NRXN3: variants seen among roughly 807,000 people sequenced by gnomAD.
NRXN3 encodes the protein neurexin III.
Under a neutral mutation model 137.6 loss-of-function variants are expected in NRXN3, and 32 were observed. The observed-to-expected ratio is 0.23, with a 90% CI of 0.18 to 0.31. The LOEUF is 0.31. Ranked by LOEUF, NRXN3 falls within the 10% of genes least tolerant of loss-of-function variation. The pLI, the probability that NRXN3 is intolerant of heterozygous loss-of-function variation, is 1.00. For synonymous variants in NRXN3, 798 were observed against 784.5 expected (o/e 1.02, Z -0.29); for missense variants, 1,574 against 2,062.5 (o/e 0.76, Z 4.59).
intron 15 of NRXN3, among the ~76,000 whole-genome samples, chr14:79,086,121 T>C (rs1326374879): frequency 1.3e-5 from 2 of 152,250 alleles, no homozygotes; most frequent in East Asian, 3.9e-4. Context: ...GGCTTGGTAT[T>C]GGGGGCAGAG....
chr14:79,336,185 G>A (rs1386765221), intron 15 of NRXN3, among the ~76,000 whole-genome samples: 1 of 152,124 alleles, frequency 6.6e-6, no homozygotes, highest in African/African-American at 2.4e-5. Context: ...CTAATTAATA[G>A]CTATTTTAGG....
intron 2 of NRXN3, among the ~76,000 whole-genome samples, chr14:78,266,339 G>T (rs769299787): frequency 6.6e-6 from 1 of 151,418 alleles, no homozygotes; most frequent in South Asian, 2.1e-4. Flanking sequence ...TCACTCTGTC[G>T]CCAGGCTGGA....
chr14:78,773,360 C>T (rs573973450), intron 8 of NRXN3, among the ~76,000 whole-genome samples: 1 of 152,168 alleles, frequency 6.6e-6, no homozygotes, highest in East Asian at 1.9e-4. Context: ...CTTCCCTTGC[C>T]CTTCTTTTCC....
At chr14:78,949,395 C>T (rs2099381987) in intron 10 of NRXN3, among the ~76,000 whole-genome samples, 1 of 152,122 alleles carries the variant, frequency 6.6e-6, no homozygotes, top group South Asian at 2.1e-4. Flanking sequence ...CAGTCTGCAG[C>T]TCTCTTCAGC....
chr14:78,530,455 C>T (rs2096445030), intron 4 of NRXN3, among the ~76,000 whole-genome samples: 1 of 152,178 alleles, frequency 6.6e-6, no homozygotes, highest in African/African-American at 2.4e-5. Flanking sequence ...TAGGCTTCTA[C>T]AAGTTATTTT....
chr14:78,566,889 C>A (rs564326789), intron 4 of NRXN3, among the ~76,000 whole-genome samples: 1 of 152,196 alleles, frequency 6.6e-6, no homozygotes. Flanking sequence ...AAAACCCTTG[C>A]ACCACAGTGT....
chr14:78,478,154 G>T (rs2095411721), intron 4 of NRXN3, among the ~76,000 whole-genome samples: 1 of 152,166 alleles, frequency 6.6e-6, no homozygotes, highest in African/African-American at 2.4e-5. Flanking sequence ...TTTCTGCTCT[G>T]TTGGGATACA....
chr14:78,456,800 T>C (rs1183080734), intron 4 of NRXN3, among the ~76,000 whole-genome samples: 1 of 18,946 alleles, frequency 5.3e-5, no homozygotes, highest in African/African-American at 2.5e-4. Context: ...TCTCTTTCTC[T>C]CTTTCTTTCT....
At chr14:79,411,358 T>A (rs1358787393) in intron 15 of NRXN3, among the ~76,000 whole-genome samples, 1 of 152,152 alleles carries the variant, frequency 6.6e-6, no homozygotes, top group Non-Finnish European at 1.5e-5. Context: ...GTCTAAGTCC[T>A]CACAGTCCTT....
At chr14:79,839,705 C>A (rs975578115) in intron 20 of NRXN3, among the ~76,000 whole-genome samples, 1 of 152,088 alleles carries the variant, frequency 6.6e-6, no homozygotes, top group Non-Finnish European at 1.5e-5. Context: ...CTTATCCCCC[C>A]AAAAATCTTT....
In NRXN3 at chr14:78,680,766, T is replaced by G. The variant is rs569797967; in HGVS notation, c.1222-28451T>G. Among the ~76,000 whole-genome samples, 3 of 152,304 alleles carry G rather than the reference T, an allele frequency of 2.0e-5. No homozygotes were observed. In the South Asian group the frequency reaches 6.2e-4, roughly 32 times the overall value. On this transcript the variant is annotated intron_variant, in intron 6 of 20. Coordinates refer to ENST00000335750, the MANE Select transcript of NRXN3 (RefSeq NM_001330195.2). ...TGTCATTAAGTGACTTTCCTGGGCTTAAGAGTCTACCCTGAGGACCTCAAT... is the reference window on the plus strand; with the variant it reads ...TGTCATTAAGTGACTTTCCTGGGCTGAAGAGTCTACCCTGAGGACCTCAAT...
At chr14:78,780,157 C>T (rs79646159) in intron 8 of NRXN3, among the ~76,000 whole-genome samples, 1,918 of 152,236 alleles carry the variant, frequency 0.013, 23 homozygotes, top group Non-Finnish European at 0.019. Flanking sequence ...CTGTTCCTTA[C>T]AGTATGGAAA....
intron 4 of NRXN3, among the ~76,000 whole-genome samples, chr14:78,514,015 T>C (rs2096159769): frequency 2.0e-5 from 3 of 152,162 alleles, no homozygotes; most frequent in Admixed American, 1.3e-4. Flanking sequence ...GAATGTGTCA[T>C]CTATGTGCAT....
intron 4 of NRXN3, among the ~76,000 whole-genome samples, chr14:78,495,444 A>G (rs1318824269): frequency 6.6e-6 from 1 of 152,124 alleles, no homozygotes; most frequent in African/African-American, 2.4e-5. Flanking sequence ...CAGAGCAGAA[A>G]AAGGGGAATT....
At chr14:78,897,166 C>G (rs528980781) in intron 10 of NRXN3, among the ~76,000 whole-genome samples, 2 of 151,990 alleles carry the variant, frequency 1.3e-5, no homozygotes, top group East Asian at 3.9e-4. Context: ...TGTCAGGATT[C>G]ACTTTAATAA....
chr14:78,187,147 G>C (rs1014859518), intron 1 of NRXN3, among the ~76,000 whole-genome samples: 2 of 152,162 alleles, frequency 1.3e-5, no homozygotes, highest in Non-Finnish European at 2.9e-5. Flanking sequence ...GCAGGTATTA[G>C]TGTCTTCACT....
chr14:79,811,459 C>T (rs533863202), intron 20 of NRXN3, among the ~76,000 whole-genome samples: 1 of 152,180 alleles, frequency 6.6e-6, no homozygotes, highest in South Asian at 2.1e-4. Context: ...TTTCAACCGC[C>T]TTCATTGATC....
intron 16 of NRXN3, among the ~76,000 whole-genome samples, chr14:79,480,535 C>T (rs774220987): frequency 8.5e-5 from 13 of 152,164 alleles, no homozygotes; most frequent in Non-Finnish European, 1.9e-4. Context: ...AAAACTACAA[C>T]ATGATACACT....
intron 4 of NRXN3, among the ~76,000 whole-genome samples, chr14:78,582,019 C>T (rs967779559): frequency 1.3e-4 from 20 of 152,166 alleles, no homozygotes; most frequent in African/African-American, 3.6e-4. Flanking sequence ...TATTAATTTT[C>T]GCATCATCCT....
Sources: allele counts gnomAD v4.1 joint callset (sites outside exome capture counted in the v4.1 genomes callset), GRCh38; gene constraint gnomAD v4.1.1; transcripts MANE v1.5; gene names NCBI Gene and HGNC (gene_info 2026-07-23, HGNC 2026-07-21).